The following LZIC variants were observed in gnomAD, a reference collection of about 807,000 sequenced individuals.
The protein encoded by LZIC is leucine zipper and CTNNBIP1 domain containing.
LZIC carries 28 observed loss-of-function variants against 25.4 expected under a neutral mutation model. That is an observed-to-expected ratio of 1.10 (90% CI 0.82 to 1.51). LZIC has a LOEUF of 1.51. LZIC is among the 40% of genes most tolerant of loss of function. LZIC has a pLI of 0.00. For synonymous variants in LZIC, 65 were observed against 70.7 expected (o/e 0.92, Z 0.40); for missense variants, 170 against 211.1 (o/e 0.81, Z 1.21).
At chr1:9,934,610 A>ATT in intron 5 of LZIC, 152 bp downstream of exon 5, 1 of 684,908 alleles carries the variant, frequency 1.5e-6, no homozygotes, top group Non-Finnish European at 2.6e-6. Context: ...TTCATTATCA[A>ATT]CTATAATTGC....
At position 9,928,320 on chromosome 1, in the gene LZIC, AACG is replaced by A. The variant is rs1040463171; in HGVS notation, c.*2076_*2078del. On this transcript the variant is annotated 3_prime_UTR_variant, in exon 8 of 8. Transcript: ENST00000377223. ...AGAGTGAAACTCCATCTCAAAAAAC[AACG>A]ACAACAACAACAACACAACAACAAA... Among the ~76,000 whole-genome samples the A allele has an allele frequency of 6.6e-6, 1 of 152,034 alleles. No homozygotes were observed. The highest frequency in any genetic ancestry group is 1.5e-5 in the Non-Finnish European group (1 of 68,000).
intron 2 of LZIC, among the ~76,000 whole-genome samples, 157 bp from the exon 3 acceptor site, chr1:9,936,784 G>A (rs1459896838): frequency 2.6e-5 from 4 of 152,236 alleles, no homozygotes; most frequent in Non-Finnish European, 5.9e-5. Flanking sequence ...GACTACCAAA[G>A]AGGTGGGATT....
chr1:9,924,076 C>T (rs1377399511), downstream of LZIC, among the ~76,000 whole-genome samples: 1 of 151,268 alleles, frequency 6.6e-6, no homozygotes, highest in Non-Finnish European at 1.5e-5. Flanking sequence ...TTAGTAGACC[C>T]GGGGTTCCCC....
At position 9,942,678 on chromosome 1, in the gene LZIC, A is replaced by G; in HGVS notation, c.-63T>C. On this transcript the variant is annotated 5_prime_UTR_variant, in exon 2 of 8. Coordinates refer to ENST00000377223, the MANE Select transcript of LZIC (RefSeq NM_032368.5). Reference sequence around the variant, plus strand: ...GTGCCGACCGGTCTCAAATTGCACAAACCTCCAGTTCTTGACGTTCCGAGT... The same window carrying G: ...GTGCCGACCGGTCTCAAATTGCACAGACCTCCAGTTCTTGACGTTCCGAGT... 7.8e-7 allele frequency: 1 copy of G among 1,289,398 alleles called. No individual in the cohort carries two copies. The highest frequency in any genetic ancestry group is 1.0e-6 in the Non-Finnish European group (1 of 988,856). 79.9% of individuals were successfully genotyped at this position (1,289,398 alleles called of 1,614,324 possible). A position where few individuals can be genotyped will look rare whatever the true frequency, so the allele number is the denominator to read the frequency against.
At chr1:9,940,058 G>A (rs1019030987) in intron 2 of LZIC, among the ~76,000 whole-genome samples, 2 of 152,070 alleles carry the variant, frequency 1.3e-5, no homozygotes, top group Non-Finnish European at 2.9e-5. Flanking sequence ...GGCAGAGGTT[G>A]CAGTGAGCTG....
rs1640145990 is a variant in LZIC at position 9,930,128 on chromosome 1, T to C, written c.*271A>G. 1 of 1,182,284 alleles carries C rather than the reference T, an allele frequency of 8.5e-7. No individual in the cohort carries two copies. The highest frequency in any genetic ancestry group is 1.5e-5 in the African/African-American group (1 of 64,566). The allele number at this position is 1,182,284 out of a possible 1,614,324, so 73.2% of individuals were successfully genotyped here. A position where few individuals can be genotyped will look rare whatever the true frequency, so the allele number is the denominator to read the frequency against. On this transcript the variant is annotated 3_prime_UTR_variant, in exon 8 of 8. Coordinates refer to ENST00000377223, the MANE Select transcript of LZIC (RefSeq NM_032368.5). ...TTAATAAAAATCAAGTCCACTTTGT[T>C]TTCTCTCTTAAACAGACAAATCATA...
At chr1:9,923,617 G>GC (rs1185171264), downstream of LZIC, among the ~76,000 whole-genome samples, 2 of 145,140 alleles carry the variant, frequency 1.4e-5, no homozygotes, top group Non-Finnish European at 3.0e-5. Context: ...TTCTGCCTCA[G>GC]CCTCCCAAGT....
chr1:9,932,971 G>C, intron 5 of LZIC, 73 bp from the exon 6 acceptor site: 1 of 1,035,634 alleles, frequency 9.7e-7, no homozygotes, highest in Non-Finnish European at 1.5e-6. Context: ...AGCTTTTCAG[G>C]CCAGGCGCAG....
chr1:9,929,890 A>T lies in LZIC; in HGVS notation c.*509T>A, dbSNP rs763710562. 41 of 957,676 alleles carry T rather than the reference A, an allele frequency of 4.3e-5. No homozygotes were observed. Among genetic ancestry groups the T allele is most frequent in the Non-Finnish European group, 5.0e-5 (40 of 804,836 alleles). 59.3% of individuals were successfully genotyped at this position (957,676 alleles called of 1,614,324 possible). A position where few individuals can be genotyped will look rare whatever the true frequency, so the allele number is the denominator to read the frequency against. ...AGCTCTCTGATGCGACTTTAAGCAA[A>T]GTCGCTTGCTCTTTCTGGACCTCAG... On this transcript the variant is annotated 3_prime_UTR_variant, in exon 8 of 8. Coordinates refer to ENST00000377223, the MANE Select transcript of LZIC (RefSeq NM_032368.5).
chr1:9,931,225 C>T (rs3013784), intron 7 of LZIC, among the ~76,000 whole-genome samples: 93,614 of 151,716 alleles, frequency 0.62, 32,466 homozygotes, highest in Non-Finnish European at 0.78. Flanking sequence ...TGCCACCACA[C>T]CTAGCTAATT....
Position 9,932,109 on chromosome 1 carries a change from G to T in LZIC, c.433-137C>A, listed in dbSNP as rs932044946. 1.1e-4 allele frequency: 54 copies of T among 511,030 alleles called. 4 individuals carry two copies. Among genetic ancestry groups the T allele is most frequent in the African/African-American group, 5.8e-4 (29 of 49,836 alleles). The allele number at this position is 511,030 out of a possible 1,614,324, so 31.7% of individuals were successfully genotyped here. A position where few individuals can be genotyped will look rare whatever the true frequency, so the allele number is the denominator to read the frequency against. On this transcript the variant is annotated intron_variant, in intron 6 of 7. Transcript: ENST00000377223. ...CTGCACTTTGGGAGGCGTGGGGGGGGGGGGGGGGTGGATCACATGAGGTCA... is the reference window on the plus strand; with the variant it reads ...CTGCACTTTGGGAGGCGTGGGGGGGTGGGGGGGGTGGATCACATGAGGTCA...
Position 9,927,676 on chromosome 1 carries a change from C to CTT in LZIC, c.*2722_*2723insAA, listed in dbSNP as rs1640033223. ...GCAGGGTAAGGGAAGAATCTTCTTC[C>CTT]TCTTTTTTTTTTTTTTTTTTTTTTT... On this transcript the variant is annotated 3_prime_UTR_variant, in exon 8 of 8. Coordinates refer to ENST00000377223, the MANE Select transcript of LZIC (RefSeq NM_032368.5). 7.2e-6 allele frequency among the ~76,000 whole-genome samples: 1 copy of CTT among 139,198 alleles called. No homozygotes were observed. The highest frequency in any genetic ancestry group is 2.4e-4 in the South Asian group (1 of 4,126). 91.3% of individuals were successfully genotyped at this position (139,198 alleles called of 152,430 possible). A position where few individuals can be genotyped will look rare whatever the true frequency, so the allele number is the denominator to read the frequency against.
rs1005131500 is a variant in LZIC, at chr1:9,931,986, A to C, written c.433-14T>G. 5.6e-6 allele frequency: 9 copies of C among 1,605,234 alleles called. No homozygotes were observed. The highest frequency in any genetic ancestry group is 1.7e-5 in the Admixed American group (1 of 59,410). On this transcript the variant is annotated splice_polypyrimidine_tract_variant and intron_variant, in intron 6 of 7. Coordinates refer to ENST00000377223, the MANE Select transcript of LZIC (RefSeq NM_032368.5). ...ATCTGCAGTCAGCTAAACAAAATGAAACAAAGTCCAGTTGAGTGGGTAAAT... is the reference window on the plus strand; with the variant it reads ...ATCTGCAGTCAGCTAAACAAAATGACACAAAGTCCAGTTGAGTGGGTAAAT...
chr1:9,924,688 G>A (rs550573503), downstream of LZIC, among the ~76,000 whole-genome samples: 94 of 152,068 alleles, frequency 6.2e-4, no homozygotes, highest in Non-Finnish European at 1.1e-3. Flanking sequence ...ATGGCATTCC[G>A]CCACATTGCT....
chr1:9,936,121 T>C (rs1422135604), intron 3 of LZIC, among the ~76,000 whole-genome samples: 1 of 96,880 alleles, frequency 1.0e-5, no homozygotes, highest in African/African-American at 3.3e-5. Context: ...ACAGCAAGAC[T>C]CTGTCTCAAA....
chr1:9,927,318 CT>C lies in LZIC; in HGVS notation c.*3080del, dbSNP rs894339060. ...TCCAGATTCAGGTAACTCTCTTTAT[CT>C]TTTTTTTAGACAGGGGTCTCACTTT... is the stretch of plus-strand genomic sequence containing the variant. On this transcript the variant is annotated 3_prime_UTR_variant, in exon 8 of 8. Transcript: ENST00000377223. Among the ~76,000 whole-genome samples the C allele has an allele frequency of 6.6e-6, 1 of 151,910 alleles. No individual in the cohort carries two copies. The highest frequency in any genetic ancestry group is 2.4e-5 in the African/African-American group (1 of 41,374).
downstream of LZIC, among the ~76,000 whole-genome samples, chr1:9,924,830 A>G (rs1043588005): frequency 6.6e-6 from 1 of 152,168 alleles, no homozygotes; most frequent in African/African-American, 2.4e-5. Flanking sequence ...ACAATTTAGT[A>G]GTGACCAAAA....
intron 4 of LZIC, 59 bp from the exon 5 acceptor site, chr1:9,934,919 T>G: frequency 8.2e-7 from 1 of 1,217,060 alleles, no homozygotes. Flanking sequence ...GATATTGCAA[T>G]AACTGATTGA....
rs1313035030 is a variant in LZIC at position 9,929,521 on chromosome 1, C to G, written c.*878G>C. ...AGTAGATAACAGCTGACAGTTACCC[C>G]CCTCTGAGTGTGACAAGAGGTCACG... On this transcript the variant is annotated 3_prime_UTR_variant, in exon 8 of 8. Transcript: ENST00000377223. 8.1e-6 allele frequency: 8 copies of G among 983,544 alleles called. No individual in the cohort carries two copies. Among genetic ancestry groups the G allele is most frequent in the Non-Finnish European group, 9.6e-6 (8 of 829,738 alleles). The allele number at this position is 983,544 out of a possible 1,614,324, so 60.9% of individuals were successfully genotyped here. A position where few individuals can be genotyped will look rare whatever the true frequency, so the allele number is the denominator to read the frequency against.
Sources: allele counts gnomAD v4.1 joint callset (sites outside exome capture counted in the v4.1 genomes callset), GRCh38; gene constraint gnomAD v4.1.1; transcripts MANE v1.5; gene names NCBI Gene and HGNC (gene_info 2026-07-23, HGNC 2026-07-21).